RBM19: variants seen among roughly 807,000 people sequenced by gnomAD.
The protein encoded by RBM19 is probable RNA-binding protein 19.
RBM19 carries 94 observed loss-of-function variants against 116.8 expected under a neutral mutation model. The observed-to-expected ratio is 0.80, with a 90% CI of 0.68 to 0.95. The LOEUF (loss-of-function observed/expected upper bound fraction) is 0.95, where lower values mean the gene tolerates loss of function less well. Among genes scored for constraint, RBM19 ranks in the 40% least tolerant of loss-of-function variants. The probability of loss-of-function intolerance (pLI) is 0.00; values close to 1 mark genes in which losing one functional copy is unlikely to be tolerated. For missense variants in RBM19, 1,161 were observed against 1,220.7 expected (o/e 0.95, Z 0.73); for synonymous variants, 475 against 494.1 (o/e 0.96, Z 0.51).
intron 23 of RBM19, among the ~76,000 whole-genome samples, chr12:113,834,854 T>C (rs948177801): frequency 6.6e-6 from 1 of 152,166 alleles, no homozygotes; most frequent in Non-Finnish European, 1.5e-5. Context: ...TTCAGTAAAA[T>C]GGAAGCAACA....
At chr12:113,933,526 AG>A (rs1185551235) in intron 16 of RBM19, among the ~76,000 whole-genome samples, 1 of 146,688 alleles carries the variant, frequency 6.8e-6, no homozygotes. Flanking sequence ...CCCGGGCCAA[AG>A]GAGGCCCAGC....
At chr12:113,939,250 G>C (rs929425245) in intron 15 of RBM19, among the ~76,000 whole-genome samples, 1 of 152,182 alleles carries the variant, frequency 6.6e-6, no homozygotes, top group South Asian at 2.1e-4. Context: ...AGGCTGCAGC[G>C]AACCAAGATG....
In RBM19 at chr12:113,914,425, C is replaced by A. The variant is rs1236874179; in HGVS notation, c.2558+544G>T. ...CCATAGAGTCATTTAGGCCACTGGTCCCCAACCCCGGCTGGACATTAGGAT... is the reference window on the plus strand; with the variant it reads ...CCATAGAGTCATTTAGGCCACTGGTACCCAACCCCGGCTGGACATTAGGAT... On this transcript the variant is annotated intron_variant, in intron 21 of 23. Coordinates refer to ENST00000261741, the MANE Select transcript of RBM19 (RefSeq NM_016196.4). Among the ~76,000 whole-genome samples, 5 of 152,354 alleles carry A rather than the reference C, an allele frequency of 3.3e-5. No individual in the cohort carries two copies. In the East Asian group the frequency reaches 9.6e-4, roughly 29 times the overall value.
intron 17 of RBM19, among the ~76,000 whole-genome samples, chr12:113,926,219 A>G (rs1869054726): frequency 6.6e-6 from 1 of 152,178 alleles, no homozygotes; most frequent in African/African-American, 2.4e-5. Context: ...CCTGAGGTTC[A>G]GTGGACACTG....
At chr12:113,890,626 G>T (rs1400811874) in intron 21 of RBM19, among the ~76,000 whole-genome samples, 1 of 152,236 alleles carries the variant, frequency 6.6e-6, no homozygotes, top group Admixed American at 6.5e-5. Context: ...CCACGGTGGA[G>T]AGACTGGTTG....
rs115954369 is a variant in RBM19 at position 113,927,555 on chromosome 12, G to T, written c.2069-326C>A. 1,904 of 233,394 alleles carry T rather than the reference G, an allele frequency of 8.2e-3. 39 individuals carry two copies. Among genetic ancestry groups the T allele is most frequent in the African/African-American group, 0.041 (1,791 of 43,918 alleles). 14.5% of individuals were successfully genotyped at this position (233,394 alleles called of 1,614,324 possible). On this transcript the variant is annotated intron_variant, in intron 16 of 23. Coordinates refer to ENST00000261741, the MANE Select transcript of RBM19 (RefSeq NM_016196.4). ...ACCATGTGAACTGTTTTACTGAACCGTGAGCCTAAGCAAAACGTTATTTTT... is the reference window on the plus strand; with the variant it reads ...ACCATGTGAACTGTTTTACTGAACCTTGAGCCTAAGCAAAACGTTATTTTT...
intron 20 of RBM19, 29 bp from the exon 21 acceptor site, chr12:113,915,114 T>C (rs776300103): frequency 6.4e-7 from 1 of 1,563,964 alleles, no homozygotes. Context: ...AGGGTCCAAG[T>C]TATTCGGAGC....
intron 9 of RBM19, among the ~76,000 whole-genome samples, chr12:113,949,259 C>G (rs980020242): frequency 6.6e-6 from 1 of 152,206 alleles, no homozygotes; most frequent in Non-Finnish European, 1.5e-5. Context: ...AGCTTCAGCC[C>G]TGGAGGGAGC....
chr12:113,864,274 A>G (rs955364464), intron 21 of RBM19, among the ~76,000 whole-genome samples: 2 of 152,202 alleles, frequency 1.3e-5, no homozygotes. Context: ...CAGCAGGTCA[A>G]GTATTAACCT....
intron 22 of RBM19, among the ~76,000 whole-genome samples, chr12:113,847,350 TA>T (rs1877082790): frequency 6.6e-6 from 1 of 152,140 alleles, no homozygotes; most frequent in Admixed American, 6.5e-5. Flanking sequence ...CTTTTTTTTT[TA>T]ACTTTAATTT....
In RBM19 at chr12:113,946,389, C is replaced by G. The variant is rs563542363; in HGVS notation, c.1494G>C (p.Lys498Asn). The G allele has an allele frequency of 1.2e-4, 192 of 1,614,102 alleles. 3 individuals are homozygous for G. The South Asian group carries it at 2.0e-3, about 17-fold the overall frequency. ...TGGCTTTGTCCTGGGCCTCCTTCTT[C>G]TTCTTGTAGGACGACGATCCCAGGG... ...ASALGSSSYKKKKEAQDKANS... is the reference protein window; with the variant it reads ...ASALGSSSYKNKKEAQDKANS... Residue 498 changes from lysine (K) to asparagine (N), a missense_variant, in exon 12 of 24, where the codon AAG (lysine) becomes AAC (asparagine). By Grantham distance (94) the Lys-to-Asn change is moderately conservative (BLOSUM62 0). Coordinates refer to ENST00000261741, the MANE Select transcript of RBM19 (RefSeq NM_016196.4).
chr12:113,877,317 A>C (rs967179848), intron 21 of RBM19, among the ~76,000 whole-genome samples: 1 of 152,204 alleles, frequency 6.6e-6, no homozygotes, highest in Non-Finnish European at 1.5e-5. Context: ...CCGTTACCAC[A>C]GAAGAAGCAT....
At chr12:113,883,704 T>A (rs1880310224) in intron 21 of RBM19, among the ~76,000 whole-genome samples, 1 of 150,098 alleles carries the variant, frequency 6.7e-6, no homozygotes, top group Admixed American at 6.6e-5. Context: ...CCCAGGTCTG[T>A]CTGGTTTCTG....
At chr12:113,840,360 G>A (rs1406530107) in intron 23 of RBM19, among the ~76,000 whole-genome samples, 1 of 152,210 alleles carries the variant, frequency 6.6e-6, no homozygotes, top group Non-Finnish European at 1.5e-5. Context: ...GATGCCTGTG[G>A]ATGGGTCACA....
At chr12:113,830,572 G>GC (rs1875302390) in intron 23 of RBM19, among the ~76,000 whole-genome samples, 2 of 28,942 alleles carry the variant, frequency 6.9e-5, no homozygotes, top group Non-Finnish European at 1.5e-4. Context: ...TAGGGCTGCG[G>GC]GGCGGGGGGG....
At chr12:113,901,082 T>C (rs1396772326) in intron 21 of RBM19, among the ~76,000 whole-genome samples, 2 of 152,186 alleles carry the variant, frequency 1.3e-5, no homozygotes, top group African/African-American at 4.8e-5. Flanking sequence ...AAACAGTGTT[T>C]CCTCACACTG....
Position 113,830,570 on chromosome 12 carries a change from C to CGGGGGG in RBM19, c.2786-7250_2786-7249insCCCCCC, listed in dbSNP as rs869235673. Among the ~76,000 whole-genome samples the CGGGGGG allele has an allele frequency of 1.5e-3, 12 of 7,820 alleles. 1 individual carries two copies. The highest frequency in any genetic ancestry group is 3.0e-3 in the Admixed American group (2 of 658). The allele number at this position is 7,820 out of a possible 152,430, so 5.1% of individuals were successfully genotyped here. Reference sequence around the variant, plus strand: ...ATGGAGTTACCCTGAGCTAGGGCTGCGGGGCGGGGGGGGGGGGGGTGGGCT... The same window carrying CGGGGGG: ...ATGGAGTTACCCTGAGCTAGGGCTGCGGGGGGGGGGCGGGGGGGGGGGGGGTGGGCT... On this transcript the variant is annotated intron_variant, in intron 23 of 23. Coordinates refer to ENST00000261741, the MANE Select transcript of RBM19 (RefSeq NM_016196.4).
intron 23 of RBM19, among the ~76,000 whole-genome samples, chr12:113,835,959 C>T (rs1188178072): frequency 2.6e-5 from 4 of 152,238 alleles, no homozygotes; most frequent in Non-Finnish European, 4.4e-5. Context: ...GGATTTCTTC[C>T]ATACCATTAT....
At chr12:113,933,906 G>C (rs1451473860) in intron 16 of RBM19, among the ~76,000 whole-genome samples, 1 of 152,132 alleles carries the variant, frequency 6.6e-6, no homozygotes, top group African/African-American at 2.4e-5. Context: ...GCTTGGGGCT[G>C]GTGCCCATGG....
Sources: allele counts gnomAD v4.1 joint callset (sites outside exome capture counted in the v4.1 genomes callset), GRCh38; gene constraint gnomAD v4.1.1; transcripts MANE v1.5; gene names NCBI Gene and HGNC (gene_info 2026-07-23, HGNC 2026-07-21).